Variants in CA10 observed in about 807,000 individuals in gnomAD.
The protein encoded by CA10 is carbonic anhydrase-related protein 10.
In CA10, 14 loss-of-function variants were observed where a neutral mutation model predicts 44.2. That is an observed-to-expected ratio of 0.32 (90% confidence interval 0.21 to 0.50). CA10 has a LOEUF of 0.50. Ranked by LOEUF, CA10 falls within the 20% of genes least tolerant of loss-of-function variation. The probability of loss-of-function intolerance (pLI) is 0.99; values close to 1 mark genes in which losing one functional copy is unlikely to be tolerated. For synonymous variants in CA10, 159 were observed against 141.6 expected, an observed-to-expected ratio of 1.12 and a Z score of -0.87; for missense variants, 350 against 409.7, an observed-to-expected ratio of 0.85 and a Z score of 1.26.
chr17:51,708,765 G>A (rs1301683648), intron 4 of CA10, among the ~76,000 whole-genome samples: 1 of 152,190 alleles, frequency 6.6e-6, no homozygotes, highest in East Asian at 1.9e-4. Context: ...GACTTGCTGA[G>A]TCTTCCGATC....
At chr17:52,071,014 A>T (rs2143132399) in intron 2 of CA10, among the ~76,000 whole-genome samples, 1 of 152,352 alleles carries the variant, frequency 6.6e-6, no homozygotes, top group South Asian at 2.1e-4. Context: ...TGAATATAAC[A>T]GATTTCCTAG....
At position 51,991,670 on chromosome 17, in the gene CA10, G is replaced by A. The variant is rs141394939; in HGVS notation, c.137-60538C>T. 6.7e-3 allele frequency among the ~76,000 whole-genome samples: 1,016 copies of A among 152,162 alleles called. 13 individuals are homozygous for A. Among genetic ancestry groups the A allele is most frequent in the African/African-American group, 0.023 (959 of 41,534 alleles). ...ACTAAAAACACAAAATTAGCTGGGC[G>A]TGGTGGCACATGCCTGTAATCCCAG... On this transcript the variant is annotated intron_variant, in intron 2 of 8. Transcript: ENST00000451037.
At chr17:51,675,034 GC>G in intron 4 of CA10, among the ~76,000 whole-genome samples, 1 of 152,252 alleles carries the variant, frequency 6.6e-6, no homozygotes. Flanking sequence ...ACAGCCTGTT[GC>G]CCCCCGTTGC....
chr17:51,785,045 G>A (rs1247784148), intron 3 of CA10, among the ~76,000 whole-genome samples: 1 of 152,142 alleles, frequency 6.6e-6, no homozygotes, highest in Admixed American at 6.5e-5. Context: ...TTCCATGCCT[G>A]GCTTATTTCA....
At chr17:51,659,662 T>C (rs1251714370) in intron 4 of CA10, among the ~76,000 whole-genome samples, 1 of 152,162 alleles carries the variant, frequency 6.6e-6, no homozygotes, top group East Asian at 1.9e-4. Context: ...ATTACCAACA[T>C]TTGTCGAACA....
intron 4 of CA10, among the ~76,000 whole-genome samples, chr17:51,698,536 C>A (rs1436760887): frequency 6.6e-6 from 1 of 152,222 alleles, no homozygotes; most frequent in African/African-American, 2.4e-5. Context: ...ACATATCCAT[C>A]ACCTCACATA....
chr17:52,045,020 T>C (rs1986873380), intron 2 of CA10, among the ~76,000 whole-genome samples: 1 of 151,700 alleles, frequency 6.6e-6, no homozygotes. Flanking sequence ...AGATGCATCA[T>C]AACAAAATAA....
chr17:51,832,277 A>AAGG (rs1179247290), intron 3 of CA10, among the ~76,000 whole-genome samples: 3 of 152,130 alleles, frequency 2.0e-5, no homozygotes, highest in South Asian at 2.1e-4. Context: ...ACTATTTTAG[A>AAGG]AGGAGGAGGA....
chr17:52,071,215 A>G (rs530672772), intron 2 of CA10, among the ~76,000 whole-genome samples: 1 of 152,328 alleles, frequency 6.6e-6, no homozygotes, highest in African/African-American at 2.4e-5. Flanking sequence ...CATAGAATAG[A>G]TGTGCCATAG....
intron 2 of CA10, among the ~76,000 whole-genome samples, chr17:52,035,914 G>A (rs1048150509): frequency 1.3e-5 from 2 of 152,332 alleles, no homozygotes; most frequent in Admixed American, 6.5e-5. Flanking sequence ...AGAAAAACAG[G>A]CCTTGGGTAG....
intron 2 of CA10, among the ~76,000 whole-genome samples, chr17:52,021,312 T>C (rs1212653261): frequency 2.6e-5 from 4 of 152,056 alleles, no homozygotes; most frequent in Non-Finnish European, 4.4e-5. Flanking sequence ...TTATTTTCCT[T>C]TGGAGATATA....
At chr17:52,034,484 C>T (rs1986559518) in intron 2 of CA10, among the ~76,000 whole-genome samples, 1 of 152,088 alleles carries the variant, frequency 6.6e-6, no homozygotes, top group Admixed American at 6.5e-5. Context: ...GTGATTGTAT[C>T]TTTATTTCTT....
At chr17:52,094,974 A>G (rs562178567) in intron 1 of CA10, among the ~76,000 whole-genome samples, 1 of 152,196 alleles carries the variant, frequency 6.6e-6, no homozygotes, top group Non-Finnish European at 1.5e-5. Flanking sequence ...CTAGGTATAG[A>G]TGCAAAAAAT....
intron 3 of CA10, among the ~76,000 whole-genome samples, chr17:51,926,617 C>T (rs1306285811): frequency 6.6e-6 from 1 of 152,144 alleles, no homozygotes; most frequent in Non-Finnish European, 1.5e-5. Flanking sequence ...TTGCGCTTTG[C>T]AGCTTCCAGA....
chr17:51,791,469 C>T (rs965077237), intron 3 of CA10, among the ~76,000 whole-genome samples: 7 of 152,166 alleles, frequency 4.6e-5, no homozygotes, highest in African/African-American at 1.7e-4. Flanking sequence ...ATAAAATTCC[C>T]TGTGAATTCT....
intron 2 of CA10, among the ~76,000 whole-genome samples, chr17:52,052,102 G>T (rs981960513): frequency 6.1e-4 from 93 of 151,744 alleles, no homozygotes; most frequent in Non-Finnish European, 1.0e-3. Context: ...CACATAGAGG[G>T]TAACAATACA....
intron 1 of CA10, among the ~76,000 whole-genome samples, chr17:52,119,609 T>C (rs1032364828): frequency 1.8e-4 from 28 of 152,086 alleles, no homozygotes; most frequent in African/African-American, 6.5e-4. Context: ...GAAGAAAAAG[T>C]CTTATCTCAG....
chr17:51,773,379 G>A (rs1486082905), intron 3 of CA10, among the ~76,000 whole-genome samples: 1 of 152,170 alleles, frequency 6.6e-6, no homozygotes, highest in East Asian at 1.9e-4. Context: ...TAGAGACAGG[G>A]GATGTAAACT....
intron 4 of CA10, among the ~76,000 whole-genome samples, chr17:51,717,545 A>G (rs1334121591): frequency 7.2e-6 from 1 of 138,718 alleles, no homozygotes; most frequent in Non-Finnish European, 1.6e-5. Context: ...ATATATATAT[A>G]TATATATATA....
Sources: gnomAD v4.1 joint callset for allele counts (sites outside exome capture counted in the v4.1 genomes callset) on GRCh38, gnomAD v4.1.1 for gene constraint, MANE v1.5 for transcripts, NCBI Gene and HGNC (gene_info 2026-07-23, HGNC 2026-07-21) for gene names.